Variants in WDR72 observed in about 807,000 individuals in gnomAD.
WDR72 encodes WD repeat domain 72.
A neutral mutation model predicts 124.2 loss-of-function variants in WDR72; 120 were observed. That is an observed-to-expected ratio of 0.97 (90% CI 0.83 to 1.12). The LOEUF (loss-of-function observed/expected upper bound fraction) is 1.12, where lower values mean the gene tolerates loss of function less well. Ranked by LOEUF, WDR72 falls within the 50% of genes most tolerant of loss-of-function variation. The probability of loss-of-function intolerance (pLI) is 0.00; values close to 1 mark genes in which losing one functional copy is unlikely to be tolerated. For synonymous variants in WDR72, 452 were observed against 441.7 expected (o/e 1.02, Z -0.29); for missense variants, 1,387 against 1,278.8 (o/e 1.08, Z -1.29).
chr15:53,558,233 T>C (rs568001064), intron 18 of WDR72, among the ~76,000 whole-genome samples: 2 of 152,218 alleles, frequency 1.3e-5, no homozygotes, highest in Admixed American at 6.6e-5. Flanking sequence ...TTATCCTTAA[T>C]AATTATCCTT....
At chr15:53,675,534 G>A (rs1268582658) in intron 13 of WDR72, among the ~76,000 whole-genome samples, 1 of 152,042 alleles carries the variant, frequency 6.6e-6, no homozygotes, top group Non-Finnish European at 1.5e-5. Context: ...TACTGCTACT[G>A]AGTATTTCAA....
chr15:53,590,076 A>T (rs1170394524), intron 18 of WDR72, among the ~76,000 whole-genome samples: 1 of 152,040 alleles, frequency 6.6e-6, no homozygotes, highest in Non-Finnish European at 1.5e-5. Context: ...CTAGGTGCTA[A>T]ATTATTTATT....
chr15:53,616,892 T>C (rs373062704), intron 14 of WDR72, among the ~76,000 whole-genome samples: 1 of 151,958 alleles, frequency 6.6e-6, no homozygotes, highest in East Asian at 1.9e-4. Context: ...TTTTTTCTTC[T>C]TTCTAGAACT....
At chr15:53,549,276 A>T (rs1433691744) in intron 18 of WDR72, among the ~76,000 whole-genome samples, 1 of 152,190 alleles carries the variant, frequency 6.6e-6, no homozygotes, top group Non-Finnish European at 1.5e-5. Flanking sequence ...ATGAATGTCA[A>T]GCTGGGCTGA....
At chr15:53,526,545 A>T (rs988460052) in intron 18 of WDR72, among the ~76,000 whole-genome samples, 3 of 152,078 alleles carry the variant, frequency 2.0e-5, no homozygotes, top group African/African-American at 4.8e-5. Flanking sequence ...CTCACCTGTG[A>T]AAGTTAGCTA....
chr15:53,684,549 G>C (rs1413556674), intron 13 of WDR72: 4 of 160,120 alleles, frequency 2.5e-5, no homozygotes, highest in Admixed American at 2.0e-4. Context: ...CACCTGGCTC[G>C]GAGGGTCCTA....
At chr15:53,550,014 G>A (rs1035923099) in intron 18 of WDR72, among the ~76,000 whole-genome samples, 2 of 152,118 alleles carry the variant, frequency 1.3e-5, no homozygotes, top group African/African-American at 4.8e-5. Context: ...ATAAGCTCCA[G>A]AAAGCGGAAG....
chr15:53,593,933 A>G (rs2012637832), intron 18 of WDR72, among the ~76,000 whole-genome samples: 2 of 152,102 alleles, frequency 1.3e-5, no homozygotes, highest in African/African-American at 2.4e-5. Flanking sequence ...TCTTTCTTAG[A>G]GTATAGTTCT....
intron 13 of WDR72, among the ~76,000 whole-genome samples, chr15:53,668,015 T>C (rs955200205): frequency 1.3e-5 from 2 of 152,150 alleles, no homozygotes; most frequent in Non-Finnish European, 1.5e-5. Flanking sequence ...ATGATGACAA[T>C]GTATAGTATT....
intron 2 of WDR72, among the ~76,000 whole-genome samples, chr15:53,724,753 T>C (rs2017973348): frequency 6.6e-6 from 1 of 152,174 alleles, no homozygotes; most frequent in South Asian, 2.1e-4. Flanking sequence ...CGGTAATCAT[T>C]TCACAATGTA....
chr15:53,614,605 A>G (rs2013682287), intron 15 of WDR72, among the ~76,000 whole-genome samples: 1 of 152,108 alleles, frequency 6.6e-6, no homozygotes, highest in Admixed American at 6.6e-5. Flanking sequence ...CATCAGACAC[A>G]TCATTTCCAT....
intron 17 of WDR72, among the ~76,000 whole-genome samples, chr15:53,604,044 C>G (rs2013164631): frequency 6.6e-6 from 1 of 152,080 alleles, no homozygotes; most frequent in Non-Finnish European, 1.5e-5. Flanking sequence ...GCAAAAAGAA[C>G]AAAGTTGGAG....
At chr15:53,538,214 A>G (rs1326652083) in intron 18 of WDR72, among the ~76,000 whole-genome samples, 1 of 152,224 alleles carries the variant, frequency 6.6e-6, no homozygotes, top group African/African-American at 2.4e-5. Flanking sequence ...AATTTAAATT[A>G]TTGTATGTGC....
chr15:53,746,337 A>G (rs900667888), intron 1 of WDR72, among the ~76,000 whole-genome samples: 3 of 152,164 alleles, frequency 2.0e-5, no homozygotes, highest in Non-Finnish European at 2.9e-5. Context: ...CTTCAGGGAC[A>G]CACCCAGACA....
chr15:53,610,254 T>G (rs2013481267), intron 16 of WDR72, among the ~76,000 whole-genome samples: 1 of 152,112 alleles, frequency 6.6e-6, no homozygotes, highest in Non-Finnish European at 1.5e-5. Context: ...TGTAAACTGG[T>G]TCATAGAGTG....
rs182376100 is a variant in WDR72 at position 53,553,842 on chromosome 15, G to A, written c.3149-30520C>T. Among the ~76,000 whole-genome samples, 6 of 152,272 alleles carry A rather than the reference G, an allele frequency of 3.9e-5. No homozygotes were observed. In the East Asian group the frequency reaches 9.7e-4, roughly 25 times the overall value. On this transcript the variant is annotated intron_variant, in intron 18 of 19. Coordinates refer to ENST00000360509, the MANE Select transcript of WDR72 (RefSeq NM_182758.4). ...AACTTTATTTGAGTAACACAGTGAT[G>A]TAATTTGAAACCTTAAAAATTTCCA... is the stretch of plus-strand genomic sequence containing the variant.
At chr15:53,541,519 T>C (rs1282609988) in intron 18 of WDR72, among the ~76,000 whole-genome samples, 1 of 150,786 alleles carries the variant, frequency 6.6e-6, no homozygotes, top group Non-Finnish European at 1.5e-5. Context: ...AGAGCAAAAG[T>C]AGATAAAACC....
In WDR72 at chr15:53,700,769, G is replaced by GA. The variant is rs556896214; in HGVS notation, c.1570-825dup. On this transcript the variant is annotated intron_variant, in intron 12 of 19. Coordinates refer to ENST00000360509, the MANE Select transcript of WDR72 (RefSeq NM_182758.4). ...TTAAGTGCACTCCAGAAATCGTAAG[G>GA]AAAAAAAAAATCACAAAATGGCAGG... is the stretch of plus-strand genomic sequence containing the variant. 8.1e-3 allele frequency among the ~76,000 whole-genome samples: 1,211 copies of GA among 149,304 alleles called. 6 individuals carry two copies. The highest frequency in any genetic ancestry group is 0.017 in the African/African-American group (688 of 40,782).
At chr15:53,741,172 G>A (rs1206682266) in intron 1 of WDR72, among the ~76,000 whole-genome samples, 9 of 152,142 alleles carry the variant, frequency 5.9e-5, no homozygotes, top group South Asian at 4.1e-4. Context: ...AAAGACTCAC[G>A]TATGATAAAA....
Sources: allele counts gnomAD v4.1 joint callset (sites outside exome capture counted in the v4.1 genomes callset), GRCh38; gene constraint gnomAD v4.1.1; transcripts MANE v1.5; gene names NCBI Gene and HGNC (gene_info 2026-07-23, HGNC 2026-07-21).